The following DCAF1 variants were observed in gnomAD, a reference collection of about 807,000 sequenced individuals.
DCAF1 encodes the protein DDB1 and CUL4 associated factor 1.
Under a neutral mutation model 128.0 loss-of-function variants are expected in DCAF1, and 15 were observed. The observed-to-expected ratio is 0.12, with a 90% CI of 0.08 to 0.18. The LOEUF (loss-of-function observed/expected upper bound fraction) is 0.18. Ranked by LOEUF, DCAF1 falls within the 10% of genes least tolerant of loss-of-function variation. The pLI is 1.00. For synonymous variants in DCAF1, 610 were observed against 603.0 expected (o/e 1.01, Z -0.17); for missense variants, 988 against 1,649.5 (o/e 0.60, Z 6.95).
At chr3:51,418,635 T>A (rs1699113849) in intron 16 of DCAF1, 43 bp downstream of exon 16, 2 of 1,569,826 alleles carry the variant, frequency 1.3e-6, no homozygotes, top group African/African-American at 2.7e-5. Context: ...CACCAATTCA[T>A]CTTGGAAGAA....
At chr3:51,463,940 G>A (rs782776614) in intron 5 of DCAF1, among the ~76,000 whole-genome samples, 4 of 151,856 alleles carry the variant, frequency 2.6e-5, no homozygotes, top group Non-Finnish European at 5.9e-5. Flanking sequence ...CTGCAGTCTC[G>A]ACCTCCCAGT....
At chr3:51,478,648 CTTTT>C (rs1559561597) in intron 3 of DCAF1, among the ~76,000 whole-genome samples, 2 of 151,884 alleles carry the variant, frequency 1.3e-5, no homozygotes, top group East Asian at 1.9e-4. Context: ...TTTAATTATT[CTTTT>C]TTTGTTTTGT....
intron 2 of DCAF1, among the ~76,000 whole-genome samples, chr3:51,495,511 T>C (rs1347643725): frequency 1.3e-5 from 2 of 151,688 alleles, no homozygotes; most frequent in African/African-American, 2.4e-5. Flanking sequence ...AAGGAAAATA[T>C]AAACTTGTAA....
At chr3:51,476,865 C>T (rs1337812481) in intron 3 of DCAF1, among the ~76,000 whole-genome samples, 4 of 151,352 alleles carry the variant, frequency 2.6e-5, no homozygotes, top group African/African-American at 7.3e-5. Flanking sequence ...ACAGAGCAGA[C>T]TCCGTCTCAA....
intron 2 of DCAF1, among the ~76,000 whole-genome samples, chr3:51,495,673 G>A (rs1473785230): frequency 2.0e-5 from 3 of 150,572 alleles, no homozygotes; most frequent in Non-Finnish European, 4.4e-5. Context: ...TGGGCAGATC[G>A]CTTGAGCCCA....
intron 3 of DCAF1, among the ~76,000 whole-genome samples, chr3:51,472,768 G>T (rs1202000333): frequency 6.6e-6 from 1 of 150,908 alleles, no homozygotes; most frequent in African/African-American, 2.4e-5. Flanking sequence ...AGGTTCAAGC[G>T]ATTCTGCTGC....
downstream of DCAF1, chr3:51,397,519 C>A (rs1422219797): frequency 6.0e-6 from 1 of 167,146 alleles, no homozygotes; most frequent in Non-Finnish European, 1.5e-5. Context: ...TCCCAGAATA[C>A]CTCCCTTTCC....
intron 2 of DCAF1, among the ~76,000 whole-genome samples, chr3:51,484,492 T>A (rs1490714112): frequency 6.6e-6 from 1 of 151,504 alleles, no homozygotes; most frequent in Non-Finnish European, 1.5e-5. Context: ...AAAAAATAGA[T>A]TTACCTAATG....
chr3:51,481,763 G>C (rs2108382284), intron 3 of DCAF1, among the ~76,000 whole-genome samples: 1 of 152,236 alleles, frequency 6.6e-6, no homozygotes, highest in South Asian at 2.1e-4. Context: ...GGCCGAGGCA[G>C]TCAGGTCACT....
At chr3:51,406,925 G>C (rs2090156094) in intron 23 of DCAF1, among the ~76,000 whole-genome samples, 1 of 152,166 alleles carries the variant, frequency 6.6e-6, no homozygotes, top group South Asian at 2.1e-4. Context: ...TGGGCGCAGT[G>C]GCTCACACCT....
At chr3:51,448,640 A>T (rs1431790857) in intron 6 of DCAF1, among the ~76,000 whole-genome samples, 1 of 152,254 alleles carries the variant, frequency 6.6e-6, no homozygotes, top group African/African-American at 2.4e-5. Context: ...TTTAAAGAGT[A>T]TAATTCAGTA....
Position 51,464,076 on chromosome 3 carries a change from A to G in DCAF1, c.262-849T>C, listed in dbSNP as rs782708937. Among the ~76,000 whole-genome samples the G allele has an allele frequency of 2.6e-5, 4 of 152,080 alleles. No homozygotes were observed. In the South Asian group the frequency reaches 8.3e-4, roughly 32 times the overall value. ...CATTATGTTGCCCGAGCTAGCCTCT[A>G]ACTCCTGGCCTCAGGTGATCCTCCC... On this transcript the variant is annotated intron_variant, in intron 5 of 24. Transcript: ENST00000684031.
rs201008185 is a variant in DCAF1, at chr3:51,429,268, G to A, written c.1670C>T (p.Pro557Leu). 3.1e-5 allele frequency: 24 copies of A among 776,566 alleles called. No homozygotes were observed. The highest frequency in any genetic ancestry group is 1.9e-4 in the Admixed American group (11 of 58,130). The allele number at this position is 776,566 out of a possible 1,614,324, so 48.1% of individuals were successfully genotyped here. ...EGGILVHPQP[P>L]YKACSYTHEQ... is the part of the protein sequence containing the mutation. ...AAGGCAAGGTCCTCTCACCTTGTAC[G>A]GGGGTTGTGGGTGGACAAGAATGCC... The change falls in exon 12 of 25, where the codon CCG becomes CTG. Residue 557 changes from proline (P) to leucine (L), a missense_variant. Coordinates refer to ENST00000684031, the MANE Select transcript of DCAF1 (RefSeq NM_001387579.1).
At chr3:51,423,536 G>A (rs1235824264) in intron 13 of DCAF1, among the ~76,000 whole-genome samples, 1 of 151,214 alleles carries the variant, frequency 6.6e-6, no homozygotes, top group Non-Finnish European at 1.5e-5. Flanking sequence ...AAAAGACTCA[G>A]GCCGGGTGCA....
At chr3:51,396,142 C>T (rs1382009612), downstream of DCAF1, 2 of 400,066 alleles carry the variant, frequency 5.0e-6, no homozygotes, top group Admixed American at 4.5e-5. Flanking sequence ...TACCTATCTT[C>T]CTTCATGAAG....
At chr3:51,404,132 T>G (rs1553625895) in intron 23 of DCAF1, among the ~76,000 whole-genome samples, 1 of 152,244 alleles carries the variant, frequency 6.6e-6, no homozygotes, top group Non-Finnish European at 1.5e-5. Flanking sequence ...CTGCCACAGA[T>G]TTCAGGTTTG....
At chr3:51,409,515 T>C (rs1010829970) in intron 23 of DCAF1, among the ~76,000 whole-genome samples, 2 of 152,168 alleles carry the variant, frequency 1.3e-5, no homozygotes, top group African/African-American at 4.8e-5. Flanking sequence ...GCTGGGATAA[T>C]GATGTTGACA....
intron 4 of DCAF1, among the ~76,000 whole-genome samples, chr3:51,470,395 T>C (rs781970088): frequency 2.3e-4 from 35 of 151,944 alleles, no homozygotes; most frequent in Non-Finnish European, 4.4e-4. Context: ...ACCCCATCTC[T>C]ACAAAAAAAT....
At chr3:51,399,099 G>A (rs1448941659) in intron 24 of DCAF1, among the ~76,000 whole-genome samples, 1 of 152,212 alleles carries the variant, frequency 6.6e-6, no homozygotes, top group Non-Finnish European at 1.5e-5. Flanking sequence ...AAGGGATCAA[G>A]CGAGTGCCAT....
Sources: allele counts gnomAD v4.1 joint callset (sites outside exome capture counted in the v4.1 genomes callset), GRCh38; gene constraint gnomAD v4.1.1; transcripts MANE v1.5; gene names NCBI Gene and HGNC (gene_info 2026-07-23, HGNC 2026-07-21).